MST1R: variants seen among roughly 807,000 people sequenced by gnomAD.
MST1R encodes macrophage-stimulating protein receptor.
In MST1R, 99 loss-of-function variants were observed where a neutral mutation model predicts 117.8. The ratio of observed to expected loss-of-function variants is 0.84; its 90% confidence interval spans 0.71 to 0.99. The LOEUF (loss-of-function observed/expected upper bound fraction) is 0.99. Among genes scored for constraint, MST1R ranks in the 50% least tolerant of loss-of-function variants. The pLI is 0.00. For synonymous variants in MST1R, 734 were observed against 765.3 expected, an observed-to-expected ratio of 0.96 and a Z score of 0.68; for missense variants, 1,683 against 1,840.2, an observed-to-expected ratio of 0.91 and a Z score of 1.56.
At chr3:49,889,276 A>G (rs2082245701) in intron 19 of MST1R, among the ~76,000 whole-genome samples, 1 of 152,216 alleles carries the variant, frequency 6.6e-6, no homozygotes, top group Non-Finnish European at 1.5e-5. Flanking sequence ...AAAGAAGTGA[A>G]TAGTAAGAGC....
intron 7 of MST1R, 83 bp from the exon 8 acceptor site, chr3:49,896,973 C>A (rs992759978): frequency 4.9e-6 from 7 of 1,417,280 alleles, no homozygotes; most frequent in South Asian, 1.5e-5. Context: ...TTGACCTCTC[C>A]CAGTTCGTCT....
Position 49,896,109 on chromosome 3 carries a change from T to G in MST1R, c.2650-2A>C. On this transcript the variant is annotated splice_acceptor_variant, in intron 10 of 19. Transcript: ENST00000296474. LOFTEE classifies it high-confidence loss of function. ...AGCCACAGCGCCCAGCCCAATATAC[T>G]GCAGAGAGGGTCATGAGGACCAGCC... 2 of 1,613,850 alleles carry G rather than the reference T, an allele frequency of 1.2e-6. No homozygotes were observed. The highest frequency in any genetic ancestry group is 1.7e-6 in the Non-Finnish European group (2 of 1,179,838).
At chr3:49,899,339 C>T in intron 1 of MST1R, 76 bp from the exon 2 acceptor site, 1 of 1,503,792 alleles carries the variant, frequency 6.6e-7, no homozygotes, top group Non-Finnish European at 9.1e-7. Context: ...TGTCAGTGGC[C>T]ACAGCAGCCC....
chr3:49,899,302 C>T, intron 1 of MST1R, 39 bp from the exon 2 acceptor site: 2 of 1,608,464 alleles, frequency 1.2e-6, no homozygotes, highest in Non-Finnish European at 1.7e-6. Flanking sequence ...CAGGGTTCAG[C>T]CTTGTGCCCC....
chr3:49,890,926 C>A (rs1341319906), intron 17 of MST1R, among the ~76,000 whole-genome samples: 1 of 152,172 alleles, frequency 6.6e-6, no homozygotes. Context: ...CGGGGTTTCA[C>A]CGTGTTAGCC....
At position 49,896,873 on chromosome 3, in the gene MST1R, A is replaced by C; in HGVS notation, c.2201T>G (p.Leu734Arg). 1.3e-6 allele frequency: 2 copies of C among 1,530,474 alleles called. No homozygotes were observed. The highest frequency in any genetic ancestry group is 1.7e-4 in the Middle Eastern group (1 of 5,850). The allele number at this position is 1,530,474 out of a possible 1,614,324, so 94.8% of individuals were successfully genotyped here. Residue 734 changes from leucine (L) to arginine (R), a missense_variant, in exon 8 of 20, where the codon CTT becomes CGT. Leu to Arg is a moderately radical substitution (Grantham distance 102, BLOSUM62 -2). Coordinates refer to ENST00000296474, the MANE Select transcript of MST1R (RefSeq NM_002447.4). ...CLLARVSEGQ[L>R]LCATPPGATV... is the part of the protein sequence containing the mutation. ...GGCCCCAGGGGGTGTGGCACATAAA[A>C]GCTGCCCCTCACTGACCCTACAGGA...
chr3:49,891,984 G>A (rs1041136168), intron 14 of MST1R, 146 bp from the exon 15 acceptor site: 50 of 581,466 alleles, frequency 8.6e-5, no homozygotes, highest in Non-Finnish European at 1.3e-4. Flanking sequence ...TATTTTTTTT[G>A]AGACCGAGTC....
intron 1 of MST1R, among the ~76,000 whole-genome samples, chr3:49,901,356 T>C (rs559405932): frequency 7.9e-5 from 12 of 152,248 alleles, no homozygotes; most frequent in Admixed American, 5.9e-4. Context: ...TAGCTGTGGG[T>C]CCCATTCCTT....
chr3:49,903,732 C>T lies in MST1R; in HGVS notation c.-123G>A. 1 of 1,339,352 alleles carries T rather than the reference C, an allele frequency of 7.5e-7. No individual in the cohort carries two copies. Among genetic ancestry groups the T allele is most frequent in the Non-Finnish European group, 9.9e-7 (1 of 1,007,580 alleles). The allele number at this position is 1,339,352 out of a possible 1,614,324, so 83.0% of individuals were successfully genotyped here. A position where few individuals can be genotyped will look rare whatever the true frequency, so the allele number is the denominator to read the frequency against. On this transcript the variant is annotated 5_prime_UTR_variant, in exon 1 of 20. Coordinates refer to ENST00000296474, the MANE Select transcript of MST1R (RefSeq NM_002447.4). ...AATTTAAGCAGCGGTCCCGACAGCC[C>T]CAAGATAGCGGACCCCCGCCCCAGG...
chr3:49,896,693 C>T (rs1225272858), intron 8 of MST1R, 36 bp downstream of exon 8: 1 of 1,608,644 alleles, frequency 6.2e-7, no homozygotes, highest in Non-Finnish European at 8.5e-7. Context: ...TCTCTCATTC[C>T]CCAGAGGCCA....
At chr3:49,892,303 T>C (rs2082338684) in intron 14 of MST1R, among the ~76,000 whole-genome samples, 1 of 150,082 alleles carries the variant, frequency 6.7e-6, no homozygotes, top group Admixed American at 6.6e-5. Context: ...CTGCGTGCAG[T>C]GGCTCACACC....
Position 49,902,715 on chromosome 3 carries a change from C to G in MST1R, c.895G>C (p.Asp299His), listed in dbSNP as rs1165918613. ...CTGCGTTTTGGAGCAAATCTGCAGT[C>G]GAGGACCAGCTCCCGATAGTCACCC... ...ELGDYRELVL[D>H]CRFAPKRRRR... Residue 299 changes from aspartate (D) to histidine (H), a missense_variant, in exon 1 of 20, where the codon GAC becomes CAC. By Grantham distance (81) the Asp-to-His change is moderately conservative. Transcript: ENST00000296474. The G allele has an allele frequency of 1.2e-6, 2 of 1,613,472 alleles. No individual in the cohort carries two copies. Among genetic ancestry groups the G allele is most frequent in the African/African-American group, 2.7e-5 (2 of 74,954 alleles).
Position 49,898,580 on chromosome 3 carries a change from C to G in MST1R, c.1657G>C (p.Gly553Arg), listed in dbSNP as rs374311934. The change falls in exon 4 of 20, where the codon GGC becomes CGC. Residue 553 changes from glycine to arginine, a missense_variant. Physicochemically the swap from Gly to Arg is moderately radical, Grantham distance 125. Transcript: ENST00000296474. ...MGCGWCGNMCGQQKECPGSWQ... is the reference protein window; with the variant it reads ...MGCGWCGNMCRQQKECPGSWQ... ...GAGCCAGGACACTCCTTCTGCTGGC[C>G]GCACATGTTCCCACACCAGCCACAG... is the stretch of plus-strand genomic sequence containing the variant. The G allele has an allele frequency of 1.2e-6, 2 of 1,613,976 alleles. No individual in the cohort carries two copies.
chr3:49,888,218 C>T (rs1026531576), intron 19 of MST1R, among the ~76,000 whole-genome samples: 9 of 151,992 alleles, frequency 5.9e-5, no homozygotes, highest in Non-Finnish European at 1.0e-4. Flanking sequence ...GGGTGGATCA[C>T]GAGGTCAGGA....
Position 49,903,734 on chromosome 3 carries a change from A to C in MST1R, c.-125T>G. The C allele has an allele frequency of 7.6e-7, 1 of 1,307,464 alleles. No individual in the cohort carries two copies. Among genetic ancestry groups the C allele is most frequent in the African/African-American group, 1.5e-5 (1 of 67,272 alleles). 81.0% of individuals were successfully genotyped at this position (1,307,464 alleles called of 1,614,324 possible). A position where few individuals can be genotyped will look rare whatever the true frequency, so the allele number is the denominator to read the frequency against. On this transcript the variant is annotated 5_prime_UTR_variant, in exon 1 of 20. Transcript: ENST00000296474. ...TTTAAGCAGCGGTCCCGACAGCCCC[A>C]AGATAGCGGACCCCCGCCCCAGGTT...
chr3:49,897,388 AGG>A lies in MST1R; in HGVS notation c.2073_2074del (p.Phe693TrpfsTer12), dbSNP rs763314716. 1 of 1,613,794 alleles carries A rather than the reference AGG, an allele frequency of 6.2e-7. No individual in the cohort carries two copies. The highest frequency in any genetic ancestry group is 1.3e-5 in the African/African-American group (1 of 75,026). On this transcript the variant is annotated frameshift_variant, in exon 7 of 20. Coordinates refer to ENST00000296474, the MANE Select transcript of MST1R (RefSeq NM_002447.4). LOFTEE classifies it high-confidence loss of function. ...GGTGCCTCCTGCCCGTGGGCCAAAG[AGG>A]GGTTGCACTGCTATCAGCACTGGCT...
intron 4 of MST1R, 81 bp from the exon 5 acceptor site, chr3:49,898,292 A>G (rs2082550964): frequency 1.9e-6 from 3 of 1,569,670 alleles, no homozygotes; most frequent in African/African-American, 2.7e-5. Flanking sequence ...GTCTCCTGCC[A>G]TACCCCTTGC....
In MST1R at chr3:49,899,130, C is replaced by A; in HGVS notation, c.1364G>T (p.Arg455Leu). The change falls in exon 2 of 20, where the codon CGC becomes CTC. Residue 455 changes from arginine to leucine, a missense_variant. Transcript: ENST00000296474. ...PVQVTALYVT[R>L]LDNVTVAHMG... ...GTGTGCCACTGTGACGTTGTCAAGG[C>A]GTGTCACATACAATGCAGTGACCTG... 1 of 1,614,156 alleles carries A rather than the reference C, an allele frequency of 6.2e-7. No individual in the cohort carries two copies. Among genetic ancestry groups the A allele is most frequent in the Non-Finnish European group, 8.5e-7 (1 of 1,180,040 alleles).
Position 49,887,303 on chromosome 3 carries a change from T to TA in MST1R, c.*3dup. On this transcript the variant is annotated 3_prime_UTR_variant, in exon 20 of 20. Coordinates refer to ENST00000296474, the MANE Select transcript of MST1R (RefSeq NM_002447.4). ...AGCTAAGCAGGTCCAGCCCAAGAACTAAGTCAAGTGGGCCGAGGAGGCTCT... is the reference window on the plus strand; with the variant it reads ...AGCTAAGCAGGTCCAGCCCAAGAACTAAAGTCAAGTGGGCCGAGGAGGCTCT... The TA allele has an allele frequency of 6.2e-7, 1 of 1,613,912 alleles. No individual in the cohort carries two copies. The highest frequency in any genetic ancestry group is 8.5e-7 in the Non-Finnish European group (1 of 1,179,958).
Sources: allele counts gnomAD v4.1 joint callset (sites outside exome capture counted in the v4.1 genomes callset), GRCh38; gene constraint gnomAD v4.1.1; transcripts MANE v1.5; gene names NCBI Gene and HGNC (gene_info 2026-07-23, HGNC 2026-07-21).